The following FARS2 variants were observed in gnomAD, a reference collection of about 807,000 sequenced individuals.
The protein encoded by FARS2 is phenylalanine--tRNA ligase, mitochondrial.
FARS2 carries 40 observed loss-of-function variants against 46.4 expected under a neutral mutation model. That is an observed-to-expected ratio of 0.86 (90% CI 0.67 to 1.12). FARS2 has a LOEUF of 1.12. Among genes scored for constraint, FARS2 ranks in the 50% most tolerant of loss-of-function variants. The pLI is 0.00. For synonymous variants in FARS2, 234 were observed against 214.9 expected, an observed-to-expected ratio of 1.09 and a Z score of -0.78; for missense variants, 513 against 567.9, an observed-to-expected ratio of 0.90 and a Z score of 0.98.
chr6:5,739,038 CACT>C (rs1220028780), intron 6 of FARS2, among the ~76,000 whole-genome samples: 1 of 152,206 alleles, frequency 6.6e-6, no homozygotes, highest in Admixed American at 6.5e-5. Context: ...CCCCCACCAT[CACT>C]ACCCTCTGGC....
intron 2 of FARS2, among the ~76,000 whole-genome samples, chr6:5,390,295 C>A (rs1276649997): frequency 6.6e-6 from 1 of 152,204 alleles, no homozygotes. Flanking sequence ...ACACCTCAGG[C>A]AGGAACAGTA....
intron 6 of FARS2, among the ~76,000 whole-genome samples, chr6:5,641,958 C>T (rs574275686): frequency 1.2e-4 from 19 of 152,248 alleles, no homozygotes; most frequent in African/African-American, 4.3e-4. Context: ...ACTTTATGTC[C>T]CTCTCACTAG....
chr6:5,277,543 G>A (rs555212052), intron 1 of FARS2, among the ~76,000 whole-genome samples: 1 of 152,138 alleles, frequency 6.6e-6, no homozygotes, highest in Admixed American at 6.5e-5. Flanking sequence ...GTTAAGGAAT[G>A]CCACCTTCTG....
chr6:5,640,670 G>A (rs1366816629), intron 6 of FARS2, among the ~76,000 whole-genome samples: 1 of 152,204 alleles, frequency 6.6e-6, no homozygotes, highest in African/African-American at 2.4e-5. Flanking sequence ...CGGCCTCTAG[G>A]CCGACTTGTC....
chr6:5,348,844 C>T (rs922217711), intron 1 of FARS2, among the ~76,000 whole-genome samples: 4 of 152,046 alleles, frequency 2.6e-5, no homozygotes, highest in Non-Finnish European at 4.4e-5. Flanking sequence ...AACTTGATAA[C>T]ATTTATAAAA....
chr6:5,425,464 T>C (rs1487335603), intron 3 of FARS2, among the ~76,000 whole-genome samples: 1 of 152,122 alleles, frequency 6.6e-6, no homozygotes. Context: ...TTATAGTATG[T>C]CAGACAGAGT....
intron 2 of FARS2, among the ~76,000 whole-genome samples, chr6:5,385,708 GC>G (rs1160587407): frequency 6.6e-6 from 1 of 152,178 alleles, no homozygotes; most frequent in Admixed American, 6.5e-5. Flanking sequence ...ACAGGTGTGA[GC>G]CACCACGCCC....
chr6:5,285,368 A>T (rs1456727205), intron 1 of FARS2, among the ~76,000 whole-genome samples: 1 of 152,154 alleles, frequency 6.6e-6, no homozygotes, highest in Non-Finnish European at 1.5e-5. Context: ...CTGCCGGAGG[A>T]TGAGGCCTGT....
At chr6:5,470,425 A>G (rs555487882) in intron 4 of FARS2, among the ~76,000 whole-genome samples, 1 of 152,362 alleles carries the variant, frequency 6.6e-6, no homozygotes, top group South Asian at 2.1e-4. Flanking sequence ...TCCTGGAACC[A>G]GTCCCCTGCA....
At position 5,681,956 on chromosome 6, in the gene FARS2, C is replaced by T. The variant is rs140357055; in HGVS notation, c.1217+68636C>T. 5.3e-5 allele frequency among the ~76,000 whole-genome samples: 8 copies of T among 152,294 alleles called. No individual in the cohort carries two copies. In the South Asian group the frequency reaches 6.2e-4, roughly 12 times the overall value. On this transcript the variant is annotated intron_variant, in intron 6 of 6. Coordinates refer to ENST00000274680, the MANE Select transcript of FARS2 (RefSeq NM_006567.5). ...CTAATAAACTAACGTGGTAAAGAGT[C>T]GGAATTCAGGCTGCTGGGTGACAGA...
At chr6:5,590,016 A>G (rs1254607007) in intron 5 of FARS2, among the ~76,000 whole-genome samples, 1 of 152,232 alleles carries the variant, frequency 6.6e-6, no homozygotes, top group African/African-American at 2.4e-5. Context: ...TTCTCCATCT[A>G]TAAATTGGGA....
chr6:5,500,735 A>AT lies in FARS2; in HGVS notation c.905-44433dup, dbSNP rs112735671. ...GTAGCACCAATTTTTGCTACCTTAC[A>AT]TTTTTTTTTTTTAAAGGAGAGGATG... On this transcript the variant is annotated intron_variant, in intron 4 of 6. Transcript: ENST00000274680. Among the ~76,000 whole-genome samples, 451 of 147,020 alleles carry AT rather than the reference A, an allele frequency of 3.1e-3. 2 individuals are homozygous for AT. Among genetic ancestry groups the AT allele is most frequent in the South Asian group, 0.017 (77 of 4,624 alleles).
intron 4 of FARS2, among the ~76,000 whole-genome samples, chr6:5,446,586 A>G (rs1259811861): frequency 1.3e-5 from 2 of 152,170 alleles, no homozygotes; most frequent in Non-Finnish European, 2.9e-5. Flanking sequence ...CCAAGGTGCT[A>G]TGGTAACAGT....
chr6:5,408,458 T>C lies in FARS2; in HGVS notation c.772+3757T>C, dbSNP rs188766044. On this transcript the variant is annotated intron_variant, in intron 3 of 6. Transcript: ENST00000274680. ...AAAGAAGAGGCAAGGGGAAGAAAAA[T>C]GATTGACAGTAGACTCTTATGACCA... 2.6e-5 allele frequency among the ~76,000 whole-genome samples: 4 copies of C among 151,980 alleles called. 1 individual carries two copies. The South Asian group carries it at 6.3e-4, about 24-fold the overall frequency.
At chr6:5,470,996 T>C (rs1228194724) in intron 4 of FARS2, among the ~76,000 whole-genome samples, 1 of 152,246 alleles carries the variant, frequency 6.6e-6, no homozygotes, top group Non-Finnish European at 1.5e-5. Flanking sequence ...CAGTCTATTA[T>C]CTGGTTCTCT....
At chr6:5,327,634 CTG>C (rs1384760832) in intron 1 of FARS2, among the ~76,000 whole-genome samples, 2 of 152,208 alleles carry the variant, frequency 1.3e-5, no homozygotes, top group African/African-American at 4.8e-5. Flanking sequence ...ACATGTGAAA[CTG>C]TGATGCCATT....
intron 6 of FARS2, among the ~76,000 whole-genome samples, chr6:5,643,698 G>A (rs1776936335): frequency 6.6e-6 from 1 of 152,194 alleles, no homozygotes; most frequent in African/African-American, 2.4e-5. Context: ...CTTCTGACCA[G>A]ACTTCCCAGT....
At chr6:5,255,801 T>G in the FARS2 span, among the ~76,000 whole-genome samples, 28 of 152,268 alleles carry the variant, frequency 1.8e-4, no homozygotes, top group African/African-American at 6.7e-4. Flanking sequence ...TGGCCTCAGA[T>G]GCCTAGCACC....
intron 6 of FARS2, among the ~76,000 whole-genome samples, chr6:5,676,665 A>G (rs1374665305): frequency 6.6e-6 from 1 of 152,240 alleles, no homozygotes; most frequent in Non-Finnish European, 1.5e-5. Context: ...CTGAAGTCAT[A>G]TTTCTGAATG....
Sources: allele counts gnomAD v4.1 joint callset (sites outside exome capture counted in the v4.1 genomes callset), GRCh38; gene constraint gnomAD v4.1.1; transcripts MANE v1.5; gene names NCBI Gene and HGNC (gene_info 2026-07-23, HGNC 2026-07-21).